PTP4A2: variants seen among roughly 807,000 people sequenced by gnomAD.
PTP4A2 encodes the protein protein tyrosine phosphatase type IVA 2.
Under a neutral mutation model 22.9 loss-of-function variants are expected in PTP4A2, and 2 were observed. The ratio of observed to expected loss-of-function variants is 0.09; its 90% CI spans 0.04 to 0.27. The LOEUF (loss-of-function observed/expected upper bound fraction) is 0.27, where lower values mean the gene tolerates loss of function less well. Among genes scored for constraint, PTP4A2 ranks in the 10% least tolerant of loss-of-function variants. The probability of loss-of-function intolerance (pLI) is 1.00; values close to 1 mark genes in which losing one functional copy is unlikely to be tolerated. For missense variants in PTP4A2, 103 were observed against 205.1 expected, an observed-to-expected ratio of 0.50 and a Z score of 3.04; for synonymous variants, 68 against 69.1, an observed-to-expected ratio of 0.98 and a Z score of 0.08.
intron 2 of PTP4A2, 123 bp from the exon 3 acceptor site, chr1:31,916,110 C>T: frequency 1.7e-6 from 1 of 583,250 alleles, no homozygotes. Flanking sequence ...CTTTGGGAGG[C>T]CTGAGGCGGG....
chr1:31,924,320 G>A (rs1396623583), intron 1 of PTP4A2, among the ~76,000 whole-genome samples: 1 of 152,138 alleles, frequency 6.6e-6, no homozygotes, highest in Non-Finnish European at 1.5e-5. Flanking sequence ...GAAACAGTAT[G>A]TTCTAGCACT....
rs770175682 is a variant in PTP4A2, at chr1:31,915,937, T to C, written c.147A>G (p.Thr49=). The C allele has an allele frequency of 2.5e-6, 4 of 1,609,196 alleles. No homozygotes were observed. The highest frequency in any genetic ancestry group is 4.5e-5 in the East Asian group (2 of 44,666). Residue 49 remains threonine (T), a synonymous_variant, in exon 3 of 6, where the codon ACA becomes ACG. Coordinates refer to ENST00000647444, the MANE Select transcript of PTP4A2 (RefSeq NM_080391.4). ...VTTLVRVCDA[T]YDKAPVEKEG... is the part of the protein sequence containing the mutation. ...CTTTTTCAACTGGAGCTTTATCATA[T>C]GTAGCATCACAAACTCGAACCAAAG...
intron 1 of PTP4A2, among the ~76,000 whole-genome samples, chr1:31,924,696 T>C (rs946689543): frequency 2.0e-5 from 3 of 152,240 alleles, no homozygotes; most frequent in African/African-American, 7.2e-5. Flanking sequence ...ATAACAGTGG[T>C]AAATTCAAAT....
At chr1:31,911,384 T>C (rs1406838417) in intron 4 of PTP4A2, 8 of 198,616 alleles carry the variant, frequency 4.0e-5, no homozygotes, top group African/African-American at 1.9e-4. Flanking sequence ...TAACCATGTA[T>C]AGATTCATCA....
intron 1 of PTP4A2, among the ~76,000 whole-genome samples, chr1:31,937,173 AT>A (rs1393801113): frequency 6.6e-6 from 1 of 152,176 alleles, no homozygotes; most frequent in African/African-American, 2.4e-5. Context: ...GGATGGCATC[AT>A]TGACAAATTT....
At chr1:31,909,147 T>C (rs764148402) in intron 5 of PTP4A2, among the ~76,000 whole-genome samples, 187 bp from the exon 6 acceptor site, 13 of 152,202 alleles carry the variant, frequency 8.5e-5, no homozygotes, top group African/African-American at 1.7e-4. Flanking sequence ...CTAGAAGGAA[T>C]AGAAAAATTT....
chr1:31,933,006 TC>T (rs1409252939), intron 1 of PTP4A2: 2 of 151,940 alleles, frequency 1.3e-5, no homozygotes, highest in East Asian at 3.9e-4. Flanking sequence ...AAAGATTTTT[TC>T]TTTTTTTTTT....
At chr1:31,915,298 A>C (rs1161998217) in intron 3 of PTP4A2, among the ~76,000 whole-genome samples, 1 of 152,180 alleles carries the variant, frequency 6.6e-6, no homozygotes, top group Non-Finnish European at 1.5e-5. Context: ...AAAGATTGCT[A>C]TCAATAATGT....
intron 1 of PTP4A2, among the ~76,000 whole-genome samples, chr1:31,922,933 T>TA (rs1652257787): frequency 2.0e-5 from 3 of 151,824 alleles, no homozygotes; most frequent in East Asian, 3.9e-4. Flanking sequence ...AAATACTTTT[T>TA]ATCTTTTTTT....
chr1:31,931,157 G>A (rs1652709281), intron 1 of PTP4A2: 1 of 152,224 alleles, frequency 6.6e-6, no homozygotes, highest in African/African-American at 2.4e-5. Context: ...AAGAATCAAC[G>A]TGGGTGAAAA....
Position 31,907,954 on chromosome 1 carries a change from G to A in PTP4A2, c.*898C>T, listed in dbSNP as rs1291285934. On this transcript the variant is annotated 3_prime_UTR_variant, in exon 6 of 6. Coordinates refer to ENST00000647444, the MANE Select transcript of PTP4A2 (RefSeq NM_080391.4). The stretch of plus-strand genomic sequence containing the variant: ...AGAGAAGAATTCGACTCTCAGGTAA[G>A]TTGAGAAGAGACTCCTCTTAAAATG... 1 of 150,628 alleles carries A rather than the reference G, an allele frequency of 6.6e-6. No homozygotes were observed. Among genetic ancestry groups the A allele is most frequent in the African/African-American group, 2.4e-5 (1 of 40,888 alleles). The allele number at this position is 150,628 out of a possible 1,614,324, so 9.3% of individuals were successfully genotyped here.
chr1:31,930,575 T>G (rs1652684858), intron 1 of PTP4A2, among the ~76,000 whole-genome samples: 1 of 152,214 alleles, frequency 6.6e-6, no homozygotes, highest in Non-Finnish European at 1.5e-5. Context: ...TTTCTGCTGT[T>G]CAGGCACTCT....
intron 3 of PTP4A2, 104 bp downstream of exon 3, chr1:31,915,791 T>C: frequency 1.4e-6 from 1 of 719,902 alleles, no homozygotes; most frequent in South Asian, 2.0e-5. Context: ...CTTCCCACAA[T>C]ATTGGGATTA....
chr1:31,920,832 C>G (rs1184007827), intron 1 of PTP4A2, among the ~76,000 whole-genome samples: 1 of 152,154 alleles, frequency 6.6e-6, no homozygotes, highest in Non-Finnish European at 1.5e-5. Flanking sequence ...ACTACTGCGC[C>G]TGGCCCATGA....
intron 4 of PTP4A2, chr1:31,910,800 T>C (rs1398836226): frequency 6.6e-6 from 1 of 152,248 alleles, no homozygotes; most frequent in Non-Finnish European, 1.5e-5. Context: ...CAATTGATTT[T>C]AATATTTCCT....
At chr1:31,916,721 C>T (rs1320094287) in intron 2 of PTP4A2, among the ~76,000 whole-genome samples, 1 of 152,110 alleles carries the variant, frequency 6.6e-6, no homozygotes, top group Non-Finnish European at 1.5e-5. Context: ...ATGGCACATC[C>T]ATATAGTGAA....
chr1:31,933,292 C>G (rs1652800133), intron 1 of PTP4A2: 1 of 152,070 alleles, frequency 6.6e-6, no homozygotes, highest in African/African-American at 2.4e-5. Context: ...CAAGACTTTT[C>G]TAATATTTCA....
rs1309095161 is a variant in PTP4A2, at chr1:31,918,992, G to A, written c.74C>T (p.Ala25Val). The A allele has an allele frequency of 6.9e-6, 11 of 1,594,602 alleles. No homozygotes were observed. Among genetic ancestry groups the A allele is most frequent in the African/African-American group, 2.7e-5 (2 of 74,462 alleles). Residue 25 changes from alanine to valine, a missense_variant, in exon 2 of 6, where the codon GCT becomes GTT. This residue lies in a region of PTP4A2 where 66 missense variants were observed against 113.0 expected (regional missense o/e 0.58). Transcript: ENST00000647444. ...TACCTCTGTGAACTTGTTGAGAGTA[G>A]CATTGGTAGGGTTGTGAGTTATCAG... ...RFLITHNPTN[A>V]TLNKFTEELK... is the part of the protein sequence containing the mutation.
At chr1:31,912,457 A>G (rs12097379) in intron 3 of PTP4A2, among the ~76,000 whole-genome samples, 313 of 152,348 alleles carry the variant, frequency 2.1e-3, no homozygotes, top group African/African-American at 7.1e-3. Flanking sequence ...ACAGGGCTGC[A>G]TGACAGGGTC....
Sources: gnomAD v4.1 joint callset for allele counts (sites outside exome capture counted in the v4.1 genomes callset) on GRCh38, gnomAD v4.1.1 for gene constraint, gnomAD v4.1.1 regional missense constraint, MANE v1.5 for transcripts, NCBI Gene and HGNC (gene_info 2026-07-23, HGNC 2026-07-21) for gene names.